Variants in TLE4 observed in about 807,000 individuals in gnomAD.
TLE4 encodes the protein transducin-like enhancer protein 4.
TLE4 carries 8 observed loss-of-function variants against 92.8 expected under a neutral mutation model. That is an observed-to-expected ratio of 0.09 (90% confidence interval 0.05 to 0.16). The LOEUF is 0.16. Among genes scored for constraint, TLE4 ranks in the 10% least tolerant of loss-of-function variants. The pLI is 1.00. For synonymous variants in TLE4, 371 were observed against 374.1 expected, an observed-to-expected ratio of 0.99 and a Z score of 0.10; for missense variants, 675 against 997.6, an observed-to-expected ratio of 0.68 and a Z score of 4.36.
intron 4 of TLE4, among the ~76,000 whole-genome samples, chr9:79,590,213 A>G (rs923521848): frequency 5.3e-5 from 8 of 152,346 alleles, no homozygotes; most frequent in Middle Eastern, 3.4e-3. Context: ...AAACAATAGC[A>G]GTTCTGTAGC....
chr9:79,635,448 A>G (rs2055491496), intron 6 of TLE4, among the ~76,000 whole-genome samples: 2 of 151,748 alleles, frequency 1.3e-5, no homozygotes, highest in South Asian at 4.1e-4. Flanking sequence ...TGTTGTCTGT[A>G]AGTAATCTTT....
intron 4 of TLE4, among the ~76,000 whole-genome samples, chr9:79,601,084 C>T (rs2045539210): frequency 1.3e-5 from 2 of 152,162 alleles, no homozygotes; most frequent in African/African-American, 4.8e-5. Context: ...GGAGGTTGAG[C>T]TGCATTTCCT....
intron 8 of TLE4, among the ~76,000 whole-genome samples, chr9:79,666,927 T>A (rs897816651): frequency 1.3e-5 from 2 of 152,240 alleles, no homozygotes; most frequent in Non-Finnish European, 2.9e-5. Context: ...TTAAAAGTTA[T>A]AAATCCAATA....
chr9:79,691,939 G>A (rs1225886585), intron 8 of TLE4, among the ~76,000 whole-genome samples: 1 of 152,154 alleles, frequency 6.6e-6, no homozygotes, highest in South Asian at 2.1e-4. Context: ...TGCTCTGTGA[G>A]AACAAGGTCC....
chr9:79,628,133 T>C lies in TLE4; in HGVS notation c.390+685T>C, dbSNP rs548347709. Reference sequence around the variant, plus strand: ...AGGCAATAAAATAATGTGCTGAAACTTAGAAATAACAATAAAGGCAAGAAA... The same window carrying C: ...AGGCAATAAAATAATGTGCTGAAACCTAGAAATAACAATAAAGGCAAGAAA... On this transcript the variant is annotated intron_variant, in intron 6 of 19. Coordinates refer to ENST00000376552, the MANE Select transcript of TLE4 (RefSeq NM_007005.6). 3.3e-5 allele frequency among the ~76,000 whole-genome samples: 5 copies of C among 152,176 alleles called. No individual in the cohort carries two copies. The South Asian group carries it at 1.0e-3, about 32-fold the overall frequency.
chr9:79,610,445 C>T (rs963496934), intron 4 of TLE4, among the ~76,000 whole-genome samples: 1 of 151,916 alleles, frequency 6.6e-6, no homozygotes, highest in Non-Finnish European at 1.5e-5. Context: ...ACAAAAGAGG[C>T]GAAATTAGAT....
At chr9:79,628,506 T>C (rs2053274927) in intron 6 of TLE4, among the ~76,000 whole-genome samples, 1 of 152,080 alleles carries the variant, frequency 6.6e-6, no homozygotes, top group Admixed American at 6.6e-5. Context: ...ACTGCTGATG[T>C]TGAGGGCGCC....
intron 4 of TLE4, among the ~76,000 whole-genome samples, chr9:79,587,701 A>G (rs981413921): frequency 2.6e-5 from 4 of 152,192 alleles, no homozygotes; most frequent in African/African-American, 7.2e-5. Context: ...ACCTAGAACC[A>G]TCTGCTGTGT....
At chr9:79,640,314 G>C (rs1034875513) in intron 6 of TLE4, among the ~76,000 whole-genome samples, 4 of 152,092 alleles carry the variant, frequency 2.6e-5, no homozygotes, top group African/African-American at 9.7e-5. Context: ...CCACAAGATA[G>C]TTTGAGTTAC....
At chr9:79,691,340 C>G (rs1356971264) in intron 8 of TLE4, among the ~76,000 whole-genome samples, 3 of 152,192 alleles carry the variant, frequency 2.0e-5, no homozygotes, top group Admixed American at 2.0e-4. Flanking sequence ...TTAGCATACA[C>G]AGAAGGTTTA....
intron 4 of TLE4, among the ~76,000 whole-genome samples, chr9:79,609,673 T>C (rs1564359215): frequency 1.3e-5 from 2 of 152,072 alleles, no homozygotes; most frequent in Non-Finnish European, 2.9e-5. Flanking sequence ...TAATGCTATT[T>C]TAGAATATCA....
chr9:79,592,925 C>A (rs2043061916), intron 4 of TLE4, among the ~76,000 whole-genome samples: 1 of 152,162 alleles, frequency 6.6e-6, no homozygotes, highest in Admixed American at 6.5e-5. Context: ...TCCCATTGTT[C>A]ATTATGTCCC....
At position 79,623,699 on chromosome 9, in the gene TLE4, GT is replaced by G. The variant is rs35464327; in HGVS notation, c.316-3657del. Among the ~76,000 whole-genome samples, 235 of 137,296 alleles carry G rather than the reference GT, an allele frequency of 1.7e-3. 1 individual carries two copies. Among genetic ancestry groups the G allele is most frequent in the South Asian group, 5.7e-3 (25 of 4,386 alleles). 90.1% of individuals were successfully genotyped at this position (137,296 alleles called of 152,430 possible). On this transcript the variant is annotated intron_variant, in intron 5 of 19. Coordinates refer to ENST00000376552, the MANE Select transcript of TLE4 (RefSeq NM_007005.6). Reference sequence around the variant, plus strand: ...GTATAACCATCACCACAATCTAAGGGTTTTTTTTTTTTTTTTTTAGAATTTT... The same window carrying G: ...GTATAACCATCACCACAATCTAAGGGTTTTTTTTTTTTTTTTTAGAATTTT...
intron 6 of TLE4, among the ~76,000 whole-genome samples, chr9:79,652,208 A>G (rs1316337299): frequency 6.7e-6 from 1 of 150,054 alleles, no homozygotes; most frequent in African/African-American, 2.5e-5. Context: ...TTTTTTTGAG[A>G]TGGAGTCTTG....
intron 4 of TLE4, among the ~76,000 whole-genome samples, chr9:79,603,793 A>T (rs575053838): frequency 6.6e-6 from 1 of 152,094 alleles, no homozygotes; most frequent in Non-Finnish European, 1.5e-5. Context: ...TATTCAACAA[A>T]AGCGTATTGA....
At chr9:79,683,247 G>C (rs1353809373) in intron 8 of TLE4, among the ~76,000 whole-genome samples, 2 of 152,040 alleles carry the variant, frequency 1.3e-5, no homozygotes, top group African/African-American at 2.4e-5. Flanking sequence ...ATTCTCCTTT[G>C]TCTTCAAGAG....
chr9:79,623,845 G>A (rs913279111), intron 5 of TLE4, among the ~76,000 whole-genome samples: 4 of 152,010 alleles, frequency 2.6e-5, no homozygotes, highest in Non-Finnish European at 5.9e-5. Context: ...ATTCTTAGTG[G>A]CATTTCATTT....
intron 8 of TLE4, among the ~76,000 whole-genome samples, chr9:79,684,702 C>G (rs113861560): frequency 2.9e-4 from 44 of 152,298 alleles, no homozygotes; most frequent in African/African-American, 1.0e-3. Flanking sequence ...ACTGACCAGG[C>G]TCTCCCTCAT....
At chr9:79,670,941 T>C (rs544095452) in intron 8 of TLE4, among the ~76,000 whole-genome samples, 2 of 152,228 alleles carry the variant, frequency 1.3e-5, no homozygotes, top group East Asian at 1.9e-4. Context: ...GTTTATTCTT[T>C]GGAGGGTTAA....
Sources: gnomAD v4.1 joint callset for allele counts (sites outside exome capture counted in the v4.1 genomes callset) on GRCh38, gnomAD v4.1.1 for gene constraint, MANE v1.5 for transcripts, NCBI Gene and HGNC (gene_info 2026-07-23, HGNC 2026-07-21) for gene names.